ZNRF3: variants seen among roughly 807,000 people sequenced by gnomAD.
The protein encoded by ZNRF3 is zinc and ring finger 3.
ZNRF3 carries 23 observed loss-of-function variants against 72.5 expected under a neutral mutation model. The observed-to-expected ratio is 0.32, with a 90% CI of 0.23 to 0.45. ZNRF3 has a LOEUF of 0.45. Among genes scored for constraint, ZNRF3 ranks in the 20% least tolerant of loss-of-function variants. The pLI is 1.00. For missense variants in ZNRF3, 1,169 were observed against 1,272.1 expected, an observed-to-expected ratio of 0.92 and a Z score of 1.23; for synonymous variants, 610 against 545.3, an observed-to-expected ratio of 1.12 and a Z score of -1.65.
intron 1 of ZNRF3, among the ~76,000 whole-genome samples, chr22:28,975,147 A>T (rs1332095845): frequency 2.0e-4 from 31 of 152,122 alleles, no homozygotes. Flanking sequence ...GGCTGGGTGC[A>T]GTGGCTTACG....
At chr22:28,998,997 G>A (rs1322521957) in intron 2 of ZNRF3, among the ~76,000 whole-genome samples, 18 of 151,966 alleles carry the variant, frequency 1.2e-4, no homozygotes, top group Admixed American at 9.8e-4. Flanking sequence ...GAGATGGTAT[G>A]ACTGGCCAGC....
chr22:29,041,073 C>T (rs979238099), intron 2 of ZNRF3, among the ~76,000 whole-genome samples: 4 of 152,190 alleles, frequency 2.6e-5, no homozygotes, highest in African/African-American at 7.2e-5. Flanking sequence ...GCCTTCTATA[C>T]ATACACACAT....
chr22:28,989,536 C>T (rs1303195295), intron 2 of ZNRF3, among the ~76,000 whole-genome samples: 1 of 152,190 alleles, frequency 6.6e-6, no homozygotes, highest in African/African-American at 2.4e-5. Context: ...AGCTTAGTCC[C>T]TGCAGAATTC....
At chr22:28,919,523 A>G (rs1275646076) in intron 1 of ZNRF3, among the ~76,000 whole-genome samples, 1 of 151,458 alleles carries the variant, frequency 6.6e-6, no homozygotes, top group East Asian at 1.9e-4. Context: ...AGACCCGGTT[A>G]GACTTTTAGC....
intron 2 of ZNRF3, among the ~76,000 whole-genome samples, chr22:29,040,369 T>G (rs1047242000): frequency 1.3e-5 from 2 of 152,038 alleles, no homozygotes; most frequent in East Asian, 1.9e-4. Context: ...TTAGTAGAGA[T>G]AGGCTTTCAC....
At chr22:28,972,872 T>C (rs1160682664) in intron 1 of ZNRF3, among the ~76,000 whole-genome samples, 1 of 152,260 alleles carries the variant, frequency 6.6e-6, no homozygotes, top group African/African-American at 2.4e-5. Context: ...GCATATCTCT[T>C]GGAGAAATAT....
At chr22:29,042,421 C>T in intron 2 of ZNRF3, 74 bp from the exon 3 acceptor site, 2 of 1,274,112 alleles carry the variant, frequency 1.6e-6, no homozygotes, top group Non-Finnish European at 1.1e-6. Flanking sequence ...TGATTACAGG[C>T]CTGATTGCCA....
Position 28,887,194 on chromosome 22 carries a change from AC to A in ZNRF3, c.300+3134del, listed in dbSNP as rs928225833. Among the ~76,000 whole-genome samples the A allele has an allele frequency of 3.4e-5, 5 of 145,560 alleles. No homozygotes were observed. In the Admixed American group the frequency reaches 3.5e-4, roughly 10 times the overall value. On this transcript the variant is annotated intron_variant, in intron 1 of 8. Transcript: ENST00000544604. The stretch of plus-strand genomic sequence containing the variant: ...AATTCGTTTGTATTACTGATTTTTA[AC>A]CCCCCTCCTTATTATATGCCAACGA...
At chr22:28,957,220 G>A (rs971794631) in intron 1 of ZNRF3, among the ~76,000 whole-genome samples, 2 of 152,144 alleles carry the variant, frequency 1.3e-5, no homozygotes, top group African/African-American at 2.4e-5. Flanking sequence ...TTACTGTGGT[G>A]CACTGGTTAT....
chr22:29,041,212 A>G (rs2036956122), intron 2 of ZNRF3, among the ~76,000 whole-genome samples: 1 of 152,150 alleles, frequency 6.6e-6, no homozygotes, highest in South Asian at 2.1e-4. Context: ...AAGTGGTGCA[A>G]TCACAACCCA....
chr22:28,968,635 G>C (rs1296751627), intron 1 of ZNRF3, among the ~76,000 whole-genome samples: 1 of 152,196 alleles, frequency 6.6e-6, no homozygotes, highest in Non-Finnish European at 1.5e-5. Flanking sequence ...CTTGAACCCG[G>C]GAGGCGGAGG....
At chr22:28,997,761 C>A (rs765232658) in intron 2 of ZNRF3, among the ~76,000 whole-genome samples, 27 of 151,888 alleles carry the variant, frequency 1.8e-4, no homozygotes, top group Non-Finnish European at 3.7e-4. Context: ...CCTATAATCC[C>A]AGCACTTTGG....
intron 1 of ZNRF3, among the ~76,000 whole-genome samples, chr22:28,974,820 G>A (rs2035641457): frequency 1.3e-5 from 2 of 152,066 alleles, no homozygotes; most frequent in South Asian, 4.1e-4. Flanking sequence ...AATTTTTGTA[G>A]AGACAGGGGT....
chr22:28,911,276 G>A (rs553360936), intron 1 of ZNRF3, among the ~76,000 whole-genome samples: 2 of 152,292 alleles, frequency 1.3e-5, no homozygotes, highest in Admixed American at 1.3e-4. Context: ...TGCCAGAAAA[G>A]GGTATGTGAC....
chr22:29,039,051 C>T (rs539390711), intron 2 of ZNRF3, among the ~76,000 whole-genome samples: 27 of 152,146 alleles, frequency 1.8e-4, no homozygotes, highest in African/African-American at 6.3e-4. Flanking sequence ...ATTACAGGCC[C>T]GTGCAACTAC....
At position 28,893,050 on chromosome 22, in the gene ZNRF3, C is replaced by T. The variant is rs185592304; in HGVS notation, c.300+8984C>T. Among the ~76,000 whole-genome samples, 1,321 of 152,102 alleles carry T rather than the reference C, an allele frequency of 8.7e-3. 27 individuals are homozygous for T. Among genetic ancestry groups the T allele is most frequent in the African/African-American group, 0.031 (1,268 of 41,474 alleles). On this transcript the variant is annotated intron_variant, in intron 1 of 8. Transcript: ENST00000544604. ...GGCGTGGTGGCGGGCGCCTGTAGTC[C>T]CAGCTACTCGGGAGGCTGAGGCAGG...
Position 29,044,984 on chromosome 22 carries a change from C to T in ZNRF3, c.744+94C>T, listed in dbSNP as rs2037038157. On this transcript the variant is annotated intron_variant, in intron 5 of 8. Coordinates refer to ENST00000544604, the MANE Select transcript of ZNRF3 (RefSeq NM_001206998.2). The stretch of plus-strand genomic sequence containing the variant: ...CTCGTCACCTTATTTTTTGATGGTG[C>T]AACATGGAGCCTCACAGCTGTGGAC... 3 of 852,924 alleles carry T rather than the reference C, an allele frequency of 3.5e-6. No individual in the cohort carries two copies. The East Asian group carries it at 7.6e-5, about 21-fold the overall frequency. The allele number at this position is 852,924 out of a possible 1,614,324, so 52.8% of individuals were successfully genotyped here.
At chr22:29,025,566 T>G (rs1159984037) in intron 2 of ZNRF3, 1 of 149,956 alleles carries the variant, frequency 6.7e-6, no homozygotes, top group African/African-American at 2.4e-5. Context: ...CTTTCTTTCT[T>G]TTTTTTTTTT....
chr22:28,982,433 C>CAAAA lies in ZNRF3; in HGVS notation c.301-4623_301-4620dup, dbSNP rs61589852. Among the ~76,000 whole-genome samples, 37 of 76,410 alleles carry CAAAA rather than the reference C, an allele frequency of 4.8e-4. 1 individual carries two copies. Among genetic ancestry groups the CAAAA allele is most frequent in the East Asian group, 3.0e-3 (10 of 3,334 alleles). The allele number at this position is 76,410 out of a possible 152,430, so 50.1% of individuals were successfully genotyped here. On this transcript the variant is annotated intron_variant, in intron 1 of 8. Transcript: ENST00000544604. The stretch of plus-strand genomic sequence containing the variant: ...GGCGACATTGTGAGACCTGTCTCTA[C>CAAAA]AAAAAAAAAAAAAAAAAAAAAAAGT...
Sources: allele counts gnomAD v4.1 joint callset (sites outside exome capture counted in the v4.1 genomes callset), GRCh38; gene constraint gnomAD v4.1.1; transcripts MANE v1.5; gene names NCBI Gene and HGNC (gene_info 2026-07-23, HGNC 2026-07-21).